GPR89B: variants seen among roughly 807,000 people sequenced by gnomAD.
GPR89B encodes G protein-coupled receptor 89B.
Under a neutral mutation model 52.4 loss-of-function variants are expected in GPR89B, and 25 were observed. That is an observed-to-expected ratio of 0.48 (90% CI 0.35 to 0.67). The LOEUF (loss-of-function observed/expected upper bound fraction) is 0.67. GPR89B is among the 30% of genes least tolerant of loss of function. The pLI is 0.01. For synonymous variants in GPR89B, 52 were observed against 151.2 expected (o/e 0.34, Z 4.81); for missense variants, 146 against 450.2 (o/e 0.32, Z 6.11).
intron 5 of GPR89B, among the ~76,000 whole-genome samples, chr1:147,949,085 A>C (rs1352251964): frequency 5.9e-5 from 9 of 152,176 alleles, no homozygotes; most frequent in African/African-American, 2.2e-4. Flanking sequence ...GGGTAGGGTC[A>C]CCGATCAACA....
chr1:147,958,024 AC>A (rs1656251785), intron 7 of GPR89B, among the ~76,000 whole-genome samples: 1 of 151,598 alleles, frequency 6.6e-6, no homozygotes, highest in African/African-American at 2.4e-5. Context: ...ACATCGCGCC[AC>A]TGCACTCCAG....
chr1:148,006,714 C>T, the GPR89B span, among the ~76,000 whole-genome samples: 1 of 150,532 alleles, frequency 6.6e-6, no homozygotes, highest in African/African-American at 2.5e-5. Flanking sequence ...AAGCACTTTA[C>T]AGCCTTTTTT....
At chr1:147,996,955 C>T (rs1233609364), downstream of GPR89B, among the ~76,000 whole-genome samples, 6 of 150,734 alleles carry the variant, frequency 4.0e-5, no homozygotes, top group East Asian at 1.2e-3. Flanking sequence ...TATGTGTATA[C>T]ATGTACACAA....
chr1:148,000,476 T>G, the GPR89B span, among the ~76,000 whole-genome samples: 1 of 152,116 alleles, frequency 6.6e-6, no homozygotes, highest in Non-Finnish European at 1.5e-5. Flanking sequence ...TATAATGAAT[T>G]ACAGGTCCAA....
At chr1:147,971,297 G>A (rs1432609637) in intron 10 of GPR89B, among the ~76,000 whole-genome samples, 1 of 151,162 alleles carries the variant, frequency 6.6e-6, no homozygotes, top group Non-Finnish European at 1.5e-5. Context: ...TTACAAGCAC[G>A]CACCGCCACG....
At chr1:147,951,918 TATTCAATGTTATAA>T (rs1476208026) in intron 5 of GPR89B, among the ~76,000 whole-genome samples, 23 of 151,932 alleles carry the variant, frequency 1.5e-4, no homozygotes, top group Non-Finnish European at 3.2e-4. Flanking sequence ...TGCAGATGTA[TATTCAATGTTATAA>T]AACAGCCCAT....
At chr1:147,980,818 CAAAAAAAAAA>C (rs1176400328) in intron 10 of GPR89B, among the ~76,000 whole-genome samples, 7 of 22,570 alleles carry the variant, frequency 3.1e-4, no homozygotes, top group East Asian at 1.4e-3. Flanking sequence ...GACTCCGTCT[CAAAAAAAAAA>C]AAAAAAAAAA....
At chr1:147,971,879 T>A (rs1189351998) in intron 10 of GPR89B, among the ~76,000 whole-genome samples, 11 of 151,652 alleles carry the variant, frequency 7.3e-5, no homozygotes, top group Non-Finnish European at 1.3e-4. Flanking sequence ...CATATATACC[T>A]ATGCAACAAC....
Position 147,949,914 on chromosome 1 carries a change from C to T in GPR89B, c.416-3431C>T, listed in dbSNP as rs781805052. 5.0e-5 allele frequency among the ~76,000 whole-genome samples: 6 copies of T among 120,844 alleles called. No homozygotes were observed. The South Asian group carries it at 1.3e-3, about 27-fold the overall frequency. 79.3% of individuals were successfully genotyped at this position (120,844 alleles called of 152,430 possible). On this transcript the variant is annotated intron_variant, in intron 5 of 13. Transcript: ENST00000314163. ...TCACCTCCCGGACGGGGCGGCTGGC[C>T]GGGCGGGGGGCTGACCCCCCCACCT... is the stretch of plus-strand genomic sequence containing the variant.
chr1:147,959,997 C>A, intron 7 of GPR89B, among the ~76,000 whole-genome samples: 1 of 147,556 alleles, frequency 6.8e-6, no homozygotes, highest in Non-Finnish European at 1.5e-5. Flanking sequence ...GAGGATAAGC[C>A]CTAAAATATG....
the GPR89B span, chr1:148,009,278 T>C: frequency 6.8e-7 from 1 of 1,480,046 alleles, no homozygotes; most frequent in Admixed American, 1.9e-5. Context: ...AGTAGCATCT[T>C]TGTTCTGGAA....
chr1:148,014,950 C>T, the GPR89B span: 1 of 151,522 alleles, frequency 6.6e-6, no homozygotes, highest in Admixed American at 6.6e-5. Flanking sequence ...TGCGCCTCTC[C>T]GGTTTTCCGA....
At chr1:148,006,835 G>A in the GPR89B span, among the ~76,000 whole-genome samples, 1 of 151,700 alleles carries the variant, frequency 6.6e-6, no homozygotes, top group Non-Finnish European at 1.5e-5. Context: ...TTCTGCCTCA[G>A]CCTCTCGAGT....
chr1:147,950,699 G>C (rs1553250903), intron 5 of GPR89B, among the ~76,000 whole-genome samples: 2 of 152,202 alleles, frequency 1.3e-5, no homozygotes, highest in African/African-American at 4.8e-5. Flanking sequence ...GGGAGGCCGA[G>C]GCTGGCGGAT....
At chr1:147,937,251 A>G (rs1553248108) in intron 2 of GPR89B, among the ~76,000 whole-genome samples, 3 of 151,816 alleles carry the variant, frequency 2.0e-5, no homozygotes, top group Non-Finnish European at 1.5e-5. Context: ...AGTTTTTATT[A>G]GGGATTTCAA....
intron 5 of GPR89B, among the ~76,000 whole-genome samples, chr1:147,951,889 G>A (rs1386333659): frequency 2.6e-5 from 4 of 151,868 alleles, no homozygotes; most frequent in Non-Finnish European, 4.4e-5. Context: ...TTCTAAGGGA[G>A]ACAAGTTGGG....
intron 7 of GPR89B, among the ~76,000 whole-genome samples, chr1:147,962,883 G>C (rs1413335339): frequency 6.8e-6 from 1 of 148,076 alleles, no homozygotes; most frequent in Non-Finnish European, 1.5e-5. Flanking sequence ...GCAACAGAGC[G>C]AGACTCCGTC....
At chr1:147,938,066 C>T (rs1553248268) in intron 2 of GPR89B, among the ~76,000 whole-genome samples, 1 of 152,094 alleles carries the variant, frequency 6.6e-6, no homozygotes, top group African/African-American at 2.4e-5. Context: ...TCTGCTGCGG[C>T]TTCAGCCAGT....
chr1:148,014,526 G>C, the GPR89B span: 1 of 151,380 alleles, frequency 6.6e-6, no homozygotes, highest in Non-Finnish European at 1.5e-5. Flanking sequence ...TGGTGGACTA[G>C]CCTCCTCCAG....
Sources: allele counts gnomAD v4.1 joint callset (sites outside exome capture counted in the v4.1 genomes callset), GRCh38; gene constraint gnomAD v4.1.1; transcripts MANE v1.5; gene names NCBI Gene and HGNC (gene_info 2026-07-23, HGNC 2026-07-21).